The following AVEN variants were observed in gnomAD, a reference collection of about 807,000 sequenced individuals.
AVEN encodes the protein apoptosis and caspase activation inhibitor.
In AVEN, 41 loss-of-function variants were observed where a neutral mutation model predicts 38.1. The ratio of observed to expected loss-of-function variants is 1.08; its 90% confidence interval spans 0.84 to 1.40. The LOEUF is 1.40. Ranked by LOEUF, AVEN falls within the 40% of genes most tolerant of loss-of-function variation. The pLI is 0.00. For missense variants in AVEN, 605 were observed against 438.8 expected (o/e 1.38, Z -3.38); for synonymous variants, 206 against 171.8 (o/e 1.20, Z -1.56).
chr15:33,889,124 A>G (rs1458242917), intron 2 of AVEN, among the ~76,000 whole-genome samples: 1 of 152,174 alleles, frequency 6.6e-6, no homozygotes, highest in Non-Finnish European at 1.5e-5. Context: ...CTTTCAGAAA[A>G]TTATCATTTA....
At chr15:33,880,487 G>C (rs1344105633) in intron 2 of AVEN, among the ~76,000 whole-genome samples, 3 of 152,188 alleles carry the variant, frequency 2.0e-5, no homozygotes, top group Non-Finnish European at 4.4e-5. Context: ...AAGGCTTTCA[G>C]GCGGGACCCC....
At chr15:33,877,726 G>A (rs1367105819) in intron 2 of AVEN, among the ~76,000 whole-genome samples, 7 of 152,200 alleles carry the variant, frequency 4.6e-5, no homozygotes, top group South Asian at 2.1e-4. Flanking sequence ...CGAGGCAGGC[G>A]GATCATGAGG....
intron 1 of AVEN, among the ~76,000 whole-genome samples, chr15:34,019,862 T>A (rs1439640805): frequency 1.3e-5 from 2 of 152,220 alleles, no homozygotes; most frequent in African/African-American, 4.8e-5. Flanking sequence ...TCAGACTATA[T>A]CCCCATTAAG....
rs550593998 is a variant in AVEN at position 33,993,048 on chromosome 15, T to C, written c.445+9984A>G. Among the ~76,000 whole-genome samples the C allele has an allele frequency of 5.9e-5, 9 of 152,344 alleles. No individual in the cohort carries two copies. In the South Asian group the frequency reaches 6.2e-4, roughly 11 times the overall value. ...CACGTTTTCTTCAATATTGATCCAGTGCATTCTGCTCACACTGTTAAACAT... is the reference window on the plus strand; with the variant it reads ...CACGTTTTCTTCAATATTGATCCAGCGCATTCTGCTCACACTGTTAAACAT... On this transcript the variant is annotated intron_variant, in intron 2 of 5. Transcript: ENST00000306730.
intron 5 of AVEN, among the ~76,000 whole-genome samples, chr15:34,062,229 T>G (rs1235334313): frequency 6.6e-6 from 1 of 152,210 alleles, no homozygotes; most frequent in South Asian, 2.1e-4. Context: ...GCTCTGAATA[T>G]GTGTGCAGCC....
chr15:34,067,493 T>C (rs552142045), intron 2 of AVEN: 1 of 152,252 alleles, frequency 6.6e-6, no homozygotes, highest in South Asian at 2.1e-4. Context: ...AATAAGAAAA[T>C]TGTTTCAGAG....
chr15:33,919,925 T>C (rs1157323124), intron 2 of AVEN, among the ~76,000 whole-genome samples: 3 of 152,214 alleles, frequency 2.0e-5, no homozygotes, highest in Non-Finnish European at 4.4e-5. Context: ...CCTAGTCTGA[T>C]TACAATCTCC....
At chr15:33,934,465 T>C (rs773469978) in intron 2 of AVEN, among the ~76,000 whole-genome samples, 2 of 152,244 alleles carry the variant, frequency 1.3e-5, no homozygotes, top group Admixed American at 1.3e-4. Context: ...CAAAGTGTTA[T>C]CTATTTCCAA....
chr15:33,889,314 CAAA>C (rs1891836603), intron 2 of AVEN, among the ~76,000 whole-genome samples: 1 of 152,144 alleles, frequency 6.6e-6, no homozygotes, highest in African/African-American at 2.4e-5. Context: ...GTCAGTATAA[CAAA>C]ACCTTTTCCC....
Position 33,867,478 on chromosome 15 carries a change from T to C in AVEN, c.973+17A>G. The stretch of plus-strand genomic sequence containing the variant: ...CACCAGAATCAAGATTCACGGGGAA[T>C]AAAATGAAAGCCATACCTTCTTCCT... On this transcript the variant is annotated intron_variant, in intron 5 of 5. Transcript: ENST00000306730. The C allele has an allele frequency of 1.3e-6, 2 of 1,546,456 alleles. No homozygotes were observed. The highest frequency in any genetic ancestry group is 1.4e-5 in the African/African-American group (1 of 72,530).
At chr15:33,945,957 C>A (rs1394353996) in intron 2 of AVEN, among the ~76,000 whole-genome samples, 1 of 152,128 alleles carries the variant, frequency 6.6e-6, no homozygotes, top group African/African-American at 2.4e-5. Context: ...ACTCCTGATT[C>A]TTTTCATCCA....
intron 1 of AVEN, among the ~76,000 whole-genome samples, chr15:34,025,626 A>G (rs1468316306): frequency 3.9e-5 from 6 of 152,222 alleles, no homozygotes. Context: ...TGCAATGGTT[A>G]TAAAAGATTT....
downstream of AVEN, chr15:33,861,292 G>A: frequency 1.5e-6 from 1 of 677,398 alleles, no homozygotes; most frequent in Non-Finnish European, 2.6e-6. Context: ...ACTTCCAGGA[G>A]TCCCCATGAG....
At chr15:33,870,558 T>G (rs1295946651) in intron 4 of AVEN, among the ~76,000 whole-genome samples, 2 of 152,192 alleles carry the variant, frequency 1.3e-5, no homozygotes, top group Non-Finnish European at 2.9e-5. Context: ...ACTATTTGAT[T>G]AATATTCATC....
intron 2 of AVEN, among the ~76,000 whole-genome samples, chr15:33,937,484 G>A (rs1401187744): frequency 2.0e-5 from 3 of 151,276 alleles, no homozygotes; most frequent in African/African-American, 7.3e-5. Context: ...AGTGAGCCGA[G>A]ATCACGCCAC....
intron 2 of AVEN, among the ~76,000 whole-genome samples, chr15:33,927,793 G>T (rs1429439556): frequency 6.6e-6 from 1 of 152,226 alleles, no homozygotes; most frequent in East Asian, 1.9e-4. Context: ...TTTTCCTCAT[G>T]TAGGGTGGCT....
chr15:33,865,240 A>C, downstream of AVEN: 2 of 1,592,854 alleles, frequency 1.3e-6, no homozygotes, highest in Non-Finnish European at 1.7e-6. Context: ...TGAATCAAAG[A>C]AGCGCGACAA....
At chr15:33,865,115 G>C (rs369302943), downstream of AVEN, 2 of 1,598,850 alleles carry the variant, frequency 1.3e-6, no homozygotes, top group East Asian at 4.5e-5. Context: ...AGCACCCGTT[G>C]TTCATATTAT....
chr15:34,011,142 T>C (rs1897619790), intron 1 of AVEN, among the ~76,000 whole-genome samples: 1 of 152,048 alleles, frequency 6.6e-6, no homozygotes, highest in African/African-American at 2.4e-5. Flanking sequence ...CAGTAAGCTA[T>C]GATCATGCCA....
Sources: gnomAD v4.1 joint callset for allele counts (sites outside exome capture counted in the v4.1 genomes callset) on GRCh38, gnomAD v4.1.1 for gene constraint, MANE v1.5 for transcripts, NCBI Gene and HGNC (gene_info 2026-07-23, HGNC 2026-07-21) for gene names.